SLC22A23: variants seen among roughly 807,000 people sequenced by gnomAD.
SLC22A23 encodes ion transporter protein.
Under a neutral mutation model 61.0 loss-of-function variants are expected in SLC22A23, and 26 were observed. The ratio of observed to expected loss-of-function variants is 0.43; its 90% CI spans 0.31 to 0.59. The LOEUF is 0.59. SLC22A23 is among the 20% of genes least tolerant of loss of function. The pLI is 0.11. For missense variants in SLC22A23, 796 were observed against 934.7 expected, an observed-to-expected ratio of 0.85 and a Z score of 1.94; for synonymous variants, 430 against 413.9, an observed-to-expected ratio of 1.04 and a Z score of -0.47.
chr6:3,379,962 T>C (rs548767477), intron 3 of SLC22A23, among the ~76,000 whole-genome samples: 46 of 152,122 alleles, frequency 3.0e-4, no homozygotes, highest in Admixed American at 2.7e-3. Context: ...TGGATGCGTG[T>C]GTGTGTGTGT....
intron 3 of SLC22A23, among the ~76,000 whole-genome samples, chr6:3,373,296 T>G (rs1766346452): frequency 6.6e-6 from 1 of 152,260 alleles, no homozygotes. Flanking sequence ...GTGACTCCGC[T>G]GGGAGAAGAC....
Position 3,393,112 on chromosome 6 carries a change from A to C in SLC22A23, c.913+17076T>G, listed in dbSNP as rs1485602782. Among the ~76,000 whole-genome samples the C allele has an allele frequency of 2.6e-5, 4 of 152,218 alleles. No homozygotes were observed. In the East Asian group the frequency reaches 7.7e-4, roughly 29 times the overall value. On this transcript the variant is annotated intron_variant, in intron 3 of 9. Coordinates refer to ENST00000406686, the MANE Select transcript of SLC22A23 (RefSeq NM_015482.2). ...ACACTGCTGAGAAGTTCAGATAAGC[A>C]AAAGAGAAAATGACCAAGCCTGTGG... is the stretch of plus-strand genomic sequence containing the variant.
At chr6:3,371,856 C>G (rs1766238944) in intron 3 of SLC22A23, among the ~76,000 whole-genome samples, 1 of 151,984 alleles carries the variant, frequency 6.6e-6, no homozygotes, top group Admixed American at 6.6e-5. Context: ...TAAGATGCAC[C>G]ATTATTGAAT....
chr6:3,342,803 A>G lies in SLC22A23; in HGVS notation c.914-18801T>C, dbSNP rs904712762. 6.6e-6 allele frequency among the ~76,000 whole-genome samples: 1 copy of G among 152,194 alleles called. No individual in the cohort carries two copies. The highest frequency in any genetic ancestry group is 2.4e-5 in the African/African-American group (1 of 41,434). On this transcript the variant is annotated intron_variant, in intron 3 of 9. Transcript: ENST00000406686. The surrounding 1 kb of genome is among the most constrained non-coding windows in gnomAD (Gnocchi z 4.0). ...GGCCTGTGAATTAAACTGACAAAAG[A>G]CAGGCTGGCAAGAGGAAAGACAAAG... is the stretch of plus-strand genomic sequence containing the variant.
At chr6:3,379,230 C>T (rs539238793) in intron 3 of SLC22A23, among the ~76,000 whole-genome samples, 53 of 152,276 alleles carry the variant, frequency 3.5e-4, no homozygotes, top group African/African-American at 7.7e-4. Context: ...TTCTCCTCCA[C>T]CAAGGGGACT....
chr6:3,339,910 C>T (rs71552173), intron 3 of SLC22A23, among the ~76,000 whole-genome samples: 507 of 152,264 alleles, frequency 3.3e-3, no homozygotes, highest in African/African-American at 9.5e-3. Flanking sequence ...GGACTGGCCC[C>T]GAACTCTTTC....
chr6:3,408,878 G>A (rs4959824), intron 3 of SLC22A23, among the ~76,000 whole-genome samples: 32,136 of 152,198 alleles, frequency 0.21, 4,815 homozygotes, highest in African/African-American at 0.43. Flanking sequence ...GCTGCCCAGA[G>A]CAAGGGTCCC....
intron 4 of SLC22A23, among the ~76,000 whole-genome samples, chr6:3,320,068 C>G (rs1377865864): frequency 6.6e-6 from 1 of 152,172 alleles, no homozygotes; most frequent in Non-Finnish European, 1.5e-5. Flanking sequence ...GCATCAGAGG[C>G]CTGGGAGCTC....
intron 1 of SLC22A23, among the ~76,000 whole-genome samples, chr6:3,425,663 A>G (rs1172606301): frequency 6.6e-6 from 1 of 152,210 alleles, no homozygotes; most frequent in Admixed American, 6.5e-5. Flanking sequence ...ACTAAGATTC[A>G]TTAAGTATCT....
At chr6:3,281,936 G>T (rs1243840002) in intron 9 of SLC22A23, among the ~76,000 whole-genome samples, 1 of 152,186 alleles carries the variant, frequency 6.6e-6, no homozygotes, top group Non-Finnish European at 1.5e-5. Flanking sequence ...GAACATGTTT[G>T]TTGAATTTCT....
At chr6:3,420,471 A>C (rs983332132) in intron 1 of SLC22A23, among the ~76,000 whole-genome samples, 9 of 152,164 alleles carry the variant, frequency 5.9e-5, no homozygotes, top group Non-Finnish European at 1.0e-4. Flanking sequence ...AAAATGTAAA[A>C]TAAGAACATA....
intron 1 of SLC22A23, among the ~76,000 whole-genome samples, chr6:3,423,309 T>C (rs1417941130): frequency 6.6e-6 from 1 of 152,194 alleles, no homozygotes; most frequent in Non-Finnish European, 1.5e-5. Flanking sequence ...TTGTTTCTTT[T>C]ACTTTTTCTT....
At chr6:3,315,772 G>C (rs944442193) in intron 4 of SLC22A23, among the ~76,000 whole-genome samples, 1 of 152,036 alleles carries the variant, frequency 6.6e-6, no homozygotes, top group African/African-American at 2.4e-5. Context: ...GCTGAGGCAG[G>C]AGAATGGCGT....
chr6:3,282,583 C>T (rs1027924908), intron 9 of SLC22A23, among the ~76,000 whole-genome samples: 4 of 152,234 alleles, frequency 2.6e-5, no homozygotes, highest in African/African-American at 9.6e-5. Flanking sequence ...ACTGGAATAG[C>T]CGCTACTGGA....
chr6:3,299,522 T>C (rs1761428705), intron 4 of SLC22A23, among the ~76,000 whole-genome samples: 1 of 152,198 alleles, frequency 6.6e-6, no homozygotes, highest in Non-Finnish European at 1.5e-5. Flanking sequence ...TTTTAAAAGA[T>C]GGAATCTTGT....
At chr6:3,354,698 C>A (rs1388145283) in intron 3 of SLC22A23, among the ~76,000 whole-genome samples, 2 of 152,090 alleles carry the variant, frequency 1.3e-5, no homozygotes, top group African/African-American at 2.4e-5. Flanking sequence ...AGGGGTTGCT[C>A]TAGATTTCAA....
chr6:3,336,885 C>A (rs748445138), intron 3 of SLC22A23, among the ~76,000 whole-genome samples: 1 of 151,328 alleles, frequency 6.6e-6, no homozygotes, highest in African/African-American at 2.4e-5. Flanking sequence ...CAGCCTTGAC[C>A]TCCTGGGCTC....
chr6:3,302,643 T>G (rs192571902), intron 4 of SLC22A23, among the ~76,000 whole-genome samples: 2 of 152,340 alleles, frequency 1.3e-5, no homozygotes, highest in African/African-American at 4.8e-5. Flanking sequence ...CTATTTTCAT[T>G]TGTATGAAGA....
At chr6:3,321,048 C>T (rs899947808) in intron 4 of SLC22A23, among the ~76,000 whole-genome samples, 3 of 152,200 alleles carry the variant, frequency 2.0e-5, no homozygotes, top group East Asian at 1.9e-4. Flanking sequence ...AGCTGGTGAA[C>T]CTGAGGCACA....
Sources: allele counts gnomAD v4.1 joint callset (sites outside exome capture counted in the v4.1 genomes callset), GRCh38; gene constraint gnomAD v4.1.1; non-coding constraint Gnocchi (gnomAD v3.1); transcripts MANE v1.5; gene names NCBI Gene and HGNC (gene_info 2026-07-23, HGNC 2026-07-21).